The following TBC1D22A variants were observed in gnomAD, a reference collection of about 807,000 sequenced individuals.
TBC1D22A encodes the protein putative GTPase activator.
A neutral mutation model predicts 60.2 loss-of-function variants in TBC1D22A; 38 were observed. The ratio of observed to expected loss-of-function variants is 0.63; its 90% confidence interval spans 0.49 to 0.83. The LOEUF is 0.83. Among genes scored for constraint, TBC1D22A ranks in the 40% least tolerant of loss-of-function variants. The pLI is 0.00. For synonymous variants in TBC1D22A, 302 were observed against 281.7 expected, an observed-to-expected ratio of 1.07 and a Z score of -0.72; for missense variants, 628 against 701.0, an observed-to-expected ratio of 0.90 and a Z score of 1.18.
chr22:47,172,546 AC>A (rs2068523870), intron 12 of TBC1D22A, among the ~76,000 whole-genome samples: 1 of 152,094 alleles, frequency 6.6e-6, no homozygotes, highest in South Asian at 2.1e-4. Context: ...TTTATGTAAA[AC>A]CTTTTACCTC....
chr22:46,944,818 C>G (rs185546982), intron 8 of TBC1D22A, among the ~76,000 whole-genome samples: 26 of 152,244 alleles, frequency 1.7e-4, no homozygotes, highest in African/African-American at 6.3e-4. Context: ...CGTGATTACT[C>G]TTTTGCCTTT....
chr22:46,828,651 C>T (rs12158010), intron 4 of TBC1D22A, among the ~76,000 whole-genome samples: 3,153 of 152,302 alleles, frequency 0.021, 110 homozygotes, highest in African/African-American at 0.07. Context: ...GGTTAGCCTC[C>T]TGCATGGAGC....
intron 10 of TBC1D22A, among the ~76,000 whole-genome samples, chr22:47,008,994 C>T (rs1403356311): frequency 6.6e-6 from 1 of 152,182 alleles, no homozygotes; most frequent in Non-Finnish European, 1.5e-5. Context: ...AGAAATAATT[C>T]TCGAACATTT....
intron 11 of TBC1D22A, among the ~76,000 whole-genome samples, chr22:47,049,156 G>C (rs2063124588): frequency 6.6e-6 from 1 of 152,214 alleles, no homozygotes; most frequent in African/African-American, 2.4e-5. Context: ...TACACGTTGT[G>C]CTCTTCCTTT....
chr22:46,807,998 CTTGG>C (rs2085223135), intron 4 of TBC1D22A, among the ~76,000 whole-genome samples: 1 of 151,496 alleles, frequency 6.6e-6, no homozygotes, highest in African/African-American at 2.4e-5. Flanking sequence ...AAAAAAGAAA[CTTGG>C]TACAGGATTA....
At chr22:47,080,357 C>A (rs2064413695) in intron 11 of TBC1D22A, among the ~76,000 whole-genome samples, 1 of 152,156 alleles carries the variant, frequency 6.6e-6, no homozygotes, top group African/African-American at 2.4e-5. Flanking sequence ...AACGAATCAC[C>A]ATGATTTCCT....
chr22:46,763,072 G>A (rs1257944274), intron 1 of TBC1D22A, among the ~76,000 whole-genome samples: 1 of 152,166 alleles, frequency 6.6e-6, no homozygotes, highest in Non-Finnish European at 1.5e-5. Context: ...GGACGAGGAG[G>A]AGCTATTGGC....
At chr22:46,806,489 A>C (rs935766958) in intron 4 of TBC1D22A, among the ~76,000 whole-genome samples, 1 of 150,258 alleles carries the variant, frequency 6.7e-6, no homozygotes. Context: ...CTATTATTTA[A>C]AAAATATTTA....
At chr22:47,025,641 G>C (rs74558737) in intron 10 of TBC1D22A, among the ~76,000 whole-genome samples, 1 of 152,210 alleles carries the variant, frequency 6.6e-6, no homozygotes, top group Non-Finnish European at 1.5e-5. Flanking sequence ...GAAACCTATA[G>C]CACTAAGCAG....
chr22:46,841,821 A>G (rs1602106153), intron 4 of TBC1D22A, among the ~76,000 whole-genome samples: 1 of 152,252 alleles, frequency 6.6e-6, no homozygotes, highest in Non-Finnish European at 1.5e-5. Context: ...TTGTTAAGAA[A>G]GTAGGTTTTA....
chr22:46,952,925 C>T (rs992344190), intron 8 of TBC1D22A, among the ~76,000 whole-genome samples: 9 of 152,140 alleles, frequency 5.9e-5, no homozygotes, highest in Admixed American at 1.3e-4. Context: ...AGGTCTGATC[C>T]GAGGGTGGTC....
intron 8 of TBC1D22A, among the ~76,000 whole-genome samples, chr22:46,970,115 TG>T (rs2073987324): frequency 6.6e-6 from 1 of 152,014 alleles, no homozygotes. Flanking sequence ...ACCCACCTCC[TG>T]GAATCCAGCT....
At chr22:46,835,311 G>A (rs937795308) in intron 4 of TBC1D22A, among the ~76,000 whole-genome samples, 7 of 152,132 alleles carry the variant, frequency 4.6e-5, no homozygotes, top group African/African-American at 1.7e-4. Flanking sequence ...TCCTGACAAA[G>A]AATTTAAGAC....
At chr22:47,061,103 C>T (rs930214055) in intron 11 of TBC1D22A, among the ~76,000 whole-genome samples, 20 of 151,440 alleles carry the variant, frequency 1.3e-4, no homozygotes, top group African/African-American at 4.4e-4. Context: ...CGCTGTCTTC[C>T]TCGGTGCCCT....
chr22:47,063,247 A>G (rs4375982), intron 11 of TBC1D22A, among the ~76,000 whole-genome samples: 71,597 of 151,918 alleles, frequency 0.47, 17,569 homozygotes, highest in East Asian at 0.59. Context: ...ACCACCCCGG[A>G]TGGCTCTGAT....
intron 8 of TBC1D22A, chr22:46,915,298 C>T (rs972947880): frequency 4.7e-6 from 2 of 424,280 alleles, no homozygotes; most frequent in Non-Finnish European, 9.5e-6. Context: ...AGAGGCTATT[C>T]TGGTTTGCTG....
chr22:46,980,609 A>G (rs898937787), intron 9 of TBC1D22A, among the ~76,000 whole-genome samples: 1 of 152,248 alleles, frequency 6.6e-6, no homozygotes, highest in Admixed American at 6.5e-5. Flanking sequence ...GTGCTGAGAA[A>G]ATTACCAACT....
intron 4 of TBC1D22A, among the ~76,000 whole-genome samples, chr22:46,852,077 T>C (rs748030728): frequency 2.6e-5 from 4 of 152,194 alleles, no homozygotes; most frequent in Non-Finnish European, 5.9e-5. Context: ...CAGGCAGCTG[T>C]ACAGCTCTGG....
At chr22:47,050,482 A>T (rs1265067655) in intron 11 of TBC1D22A, among the ~76,000 whole-genome samples, 1 of 152,154 alleles carries the variant, frequency 6.6e-6, no homozygotes, top group African/African-American at 2.4e-5. Flanking sequence ...TTTTTTAGGT[A>T]ACCTTTTAGT....
Sources: allele counts gnomAD v4.1 joint callset (sites outside exome capture counted in the v4.1 genomes callset), GRCh38; gene constraint gnomAD v4.1.1; transcripts MANE v1.5; gene names NCBI Gene and HGNC (gene_info 2026-07-23, HGNC 2026-07-21).